ANK1: variants seen among roughly 807,000 people sequenced by gnomAD.
The protein encoded by ANK1 is ankyrin-1.
A neutral mutation model predicts 210.4 loss-of-function variants in ANK1; 51 were observed. That is an observed-to-expected ratio of 0.24 (90% confidence interval 0.19 to 0.31). The LOEUF is 0.31. Ranked by LOEUF, ANK1 falls within the 10% of genes least tolerant of loss-of-function variation. ANK1 has a pLI of 1.00. For synonymous variants in ANK1, 967 were observed against 1,025.9 expected, an observed-to-expected ratio of 0.94 and a Z score of 1.10; for missense variants, 2,051 against 2,504.4, an observed-to-expected ratio of 0.82 and a Z score of 3.86.
At chr8:41,755,142 T>C (rs1337853536) in intron 2 of ANK1, among the ~76,000 whole-genome samples, 2 of 152,258 alleles carry the variant, frequency 1.3e-5, no homozygotes, top group Non-Finnish European at 2.9e-5. Context: ...CACTTGTCAC[T>C]GGCGCTGAGC....
intron 2 of ANK1, among the ~76,000 whole-genome samples, chr8:41,744,181 T>G (rs974430915): frequency 2.0e-5 from 3 of 151,948 alleles, no homozygotes; most frequent in African/African-American, 4.8e-5. Flanking sequence ...GACAAATCCA[T>G]AGGAGACAAA....
chr8:41,844,522 C>G (rs996324441), intron 1 of ANK1, among the ~76,000 whole-genome samples: 18 of 152,080 alleles, frequency 1.2e-4, no homozygotes, highest in African/African-American at 4.3e-4. Context: ...ACACACCCCC[C>G]ACACACACAC....
intron 1 of ANK1, among the ~76,000 whole-genome samples, chr8:41,781,268 C>T (rs1266089900): frequency 6.6e-6 from 1 of 152,192 alleles, no homozygotes; most frequent in Admixed American, 6.5e-5. Flanking sequence ...TCTCCTGGCC[C>T]TCTGCAGTTT....
chr8:41,716,813 G>A lies in ANK1; in HGVS notation c.1404+140C>T, dbSNP rs188666130. On this transcript the variant is annotated intron_variant, in intron 13 of 42. Coordinates refer to ENST00000289734, the MANE Select transcript of ANK1 (RefSeq NM_000037.4). The stretch of plus-strand genomic sequence containing the variant: ...ACCCCCTGCAAAGCAGAATCTGGGC[G>A]CTCAGAGTGACCTGATCAGGATGAA... 2.1e-4 allele frequency: 182 copies of A among 853,580 alleles called. 1 individual carries two copies. The highest frequency in any genetic ancestry group is 6.4e-4 in the Admixed American group (37 of 58,110). The allele number at this position is 853,580 out of a possible 1,614,324, so 52.9% of individuals were successfully genotyped here. A position where few individuals can be genotyped will look rare whatever the true frequency, so the allele number is the denominator to read the frequency against.
At position 41,703,450 on chromosome 8, in the gene ANK1, A is replaced by ATTT. The variant is rs58196949; in HGVS notation, c.2295+588_2295+590dup. ...TATATATATATATATATATATATATATTTTTTTTTTTTTTTTAAGACACAA... is the reference window on the plus strand; with the variant it reads ...TATATATATATATATATATATATATATTTTTTTTTTTTTTTTTTTAAGACACAA... On this transcript the variant is annotated intron_variant, in intron 20 of 42. Coordinates refer to ENST00000289734, the MANE Select transcript of ANK1 (RefSeq NM_000037.4). 4.5e-3 allele frequency among the ~76,000 whole-genome samples: 262 copies of ATTT among 58,806 alleles called. 3 individuals carry two copies. Among genetic ancestry groups the ATTT allele is most frequent in the Middle Eastern group, 0.02 (2 of 102 alleles). The allele number at this position is 58,806 out of a possible 152,430, so 38.6% of individuals were successfully genotyped here. A position where few individuals can be genotyped will look rare whatever the true frequency, so the allele number is the denominator to read the frequency against.
chr8:41,690,190 G>A (rs200642719), intron 33 of ANK1, 37 bp downstream of exon 33: 86 of 1,613,862 alleles, frequency 5.3e-5, no homozygotes, highest in Non-Finnish European at 6.1e-5. Flanking sequence ...CAGGGAAGCC[G>A]TCTCGGGCCA....
chr8:41,836,070 G>A (rs188862964), intron 1 of ANK1, among the ~76,000 whole-genome samples: 4 of 152,318 alleles, frequency 2.6e-5, no homozygotes, highest in Admixed American at 1.3e-4. Context: ...TCGGGGTGGC[G>A]ATGCTTCCCC....
At chr8:41,715,562 A>G in intron 14 of ANK1, 90 bp downstream of exon 14, 1 of 1,510,732 alleles carries the variant, frequency 6.6e-7, no homozygotes, top group African/African-American at 1.4e-5. Flanking sequence ...TTGAGGTGAC[A>G]AAGAGAACCA....
intron 42 of ANK1, among the ~76,000 whole-genome samples, chr8:41,658,192 T>C (rs1453339469): frequency 6.6e-6 from 1 of 152,144 alleles, no homozygotes; most frequent in Admixed American, 6.5e-5. Context: ...TTCACAAACA[T>C]AAACTCAGCA....
In ANK1 at chr8:41,712,918, G is replaced by A. The variant is rs541939465; in HGVS notation, c.1800+1238C>T. On this transcript the variant is annotated intron_variant, in intron 16 of 42. Transcript: ENST00000289734. ...TTAGAGGCAGGAGTAAGTCGACATC[G>A]CAGCGGGGCCGTGTGCTCCCTCTGC... 7.2e-5 allele frequency among the ~76,000 whole-genome samples: 11 copies of A among 152,268 alleles called. No homozygotes were observed. In the East Asian group the frequency reaches 7.7e-4, roughly 11 times the overall value.
rs571485925 is a variant in ANK1 at position 41,845,325 on chromosome 8, G to A, written c.126+51030C>T. ...GCTTAAACCCACCTGGGAGGCAGAG[G>A]TTGTAGTTTGCCAAGATCACACCAC... On this transcript the variant is annotated intron_variant, in intron 1 of 42. Coordinates refer to the ANK1 transcript ENST00000265709. Among the ~76,000 whole-genome samples the A allele has an allele frequency of 5.1e-4, 77 of 151,504 alleles. 1 individual carries two copies. The South Asian group carries it at 0.016, about 31-fold the overall frequency.
intron 1 of ANK1, among the ~76,000 whole-genome samples, chr8:41,866,512 T>C (rs543395814): frequency 1.3e-5 from 2 of 152,348 alleles, no homozygotes; most frequent in South Asian, 4.1e-4. Context: ...CATTTTTAAG[T>C]GTACGGTTCA....
At chr8:41,788,123 C>G (rs913818442) in intron 1 of ANK1, among the ~76,000 whole-genome samples, 1 of 152,180 alleles carries the variant, frequency 6.6e-6, no homozygotes, top group African/African-American at 2.4e-5. Flanking sequence ...GTAACAAACA[C>G]AGTGCTCTTG....
chr8:41,842,014 A>G (rs766660202), intron 1 of ANK1, among the ~76,000 whole-genome samples: 6 of 152,226 alleles, frequency 3.9e-5, no homozygotes, highest in Admixed American at 1.3e-4. Flanking sequence ...GACAAGGATG[A>G]GAGAAGCCAG....
At chr8:41,849,732 C>A (rs986252289) in intron 1 of ANK1, among the ~76,000 whole-genome samples, 1 of 152,210 alleles carries the variant, frequency 6.6e-6, no homozygotes, top group African/African-American at 2.4e-5. Context: ...TGTTATTTCA[C>A]CTAACAGGAC....
At chr8:41,809,576 G>A (rs1450340364) in intron 1 of ANK1, among the ~76,000 whole-genome samples, 3 of 152,088 alleles carry the variant, frequency 2.0e-5, no homozygotes, top group Non-Finnish European at 2.9e-5. Context: ...AGACCAGCCT[G>A]GGCAACATAG....
intron 2 of ANK1, among the ~76,000 whole-genome samples, chr8:41,756,099 G>C (rs1041925228): frequency 2.0e-5 from 3 of 152,156 alleles, no homozygotes; most frequent in African/African-American, 7.2e-5. Flanking sequence ...TTAGCCCTAG[G>C]AATGGAGGCA....
intron 1 of ANK1, among the ~76,000 whole-genome samples, chr8:41,783,955 A>C (rs1479525570): frequency 6.6e-6 from 1 of 152,010 alleles, no homozygotes; most frequent in Non-Finnish European, 1.5e-5. Flanking sequence ...TCCCAGCTAC[A>C]GGAGAATCAC....
intron 7 of ANK1, among the ~76,000 whole-genome samples, 162 bp downstream of exon 7, chr8:41,724,294 G>A (rs1830116461): frequency 6.6e-6 from 1 of 152,202 alleles, no homozygotes; most frequent in African/African-American, 2.4e-5. Flanking sequence ...GAAACTGGGG[G>A]GTAGATGATC....
Sources: gnomAD v4.1 joint callset for allele counts (sites outside exome capture counted in the v4.1 genomes callset) on GRCh38, gnomAD v4.1.1 for gene constraint, MANE v1.5 for transcripts, NCBI Gene and HGNC (gene_info 2026-07-23, HGNC 2026-07-21) for gene names.